PRAMEF20: variants seen among roughly 807,000 people sequenced by gnomAD.
The protein encoded by PRAMEF20 is PRAME family member 20.
A neutral mutation model predicts 32.4 loss-of-function variants in PRAMEF20; 27 were observed. The observed-to-expected ratio is 0.83, with a 90% confidence interval of 0.61 to 1.15. The LOEUF (loss-of-function observed/expected upper bound fraction) is 1.15. Among genes scored for constraint, PRAMEF20 ranks in the 50% most tolerant of loss-of-function variants. The probability of loss-of-function intolerance (pLI) is 0.00; values close to 1 mark genes in which losing one functional copy is unlikely to be tolerated. For missense variants in PRAMEF20, 604 were observed against 584.5 expected, an observed-to-expected ratio of 1.03 and a Z score of -0.34; for synonymous variants, 256 against 235.4, an observed-to-expected ratio of 1.09 and a Z score of -0.80.
chr1:13,418,444 C>T, exon 2 of PRAMEF20: 1 of 1,613,894 alleles, frequency 6.2e-7, no homozygotes, highest in Non-Finnish European at 8.5e-7. Context: ...AACAGTCAAC[C>T]TAGACTGTAT....
exon 2 of PRAMEF20, chr1:13,418,209 A>G (rs1168340702): frequency 6.2e-7 from 1 of 1,611,104 alleles, no homozygotes; most frequent in Non-Finnish European, 8.5e-7. Flanking sequence ...GTAGGTGCTT[A>G]CCAAATGCCA....
chr1:13,416,631 G>T, exon 1 of PRAMEF20: 2 of 1,614,116 alleles, frequency 1.2e-6, no homozygotes, highest in Non-Finnish European at 1.7e-6. Context: ...TACCCACAGG[G>T]TTCGTCTCAG....
At chr1:13,420,982 C>A in exon 3 of PRAMEF20, 1 of 1,613,768 alleles carries the variant, frequency 6.2e-7, no homozygotes, top group Non-Finnish European at 8.5e-7. Flanking sequence ...CCTTCAGCTT[C>A]CGTGGAAATC....
exon 3 of PRAMEF20, chr1:13,421,029 A>C: frequency 6.2e-7 from 1 of 1,613,944 alleles, no homozygotes; most frequent in Non-Finnish European, 8.5e-7. Context: ...CTGCTGTGCC[A>C]CACAATCAGA....
At chr1:13,414,812 G>T (rs1049583555), upstream of PRAMEF20, among the ~76,000 whole-genome samples, 60 of 151,834 alleles carry the variant, frequency 4.0e-4, no homozygotes, top group Non-Finnish European at 5.7e-4. Flanking sequence ...TATATATAGA[G>T]AGAGAGAGAC....
At chr1:13,418,424 A>G (rs1386476919) in exon 2 of PRAMEF20, 12 of 1,613,824 alleles carry the variant, frequency 7.4e-6, no homozygotes, top group East Asian at 2.2e-5. Flanking sequence ...AATATCAGAA[A>G]CATCCTGAAA....
upstream of PRAMEF20, among the ~76,000 whole-genome samples, chr1:13,414,606 A>G (rs1641145875): frequency 6.6e-6 from 1 of 151,586 alleles, no homozygotes; most frequent in Admixed American, 6.6e-5. Flanking sequence ...TGACAGGTGC[A>G]TGCCACCACG....
In PRAMEF20 at chr1:13,418,350, G is replaced by T; in HGVS notation, c.516G>T (p.Lys172Asn). The T allele has an allele frequency of 1.9e-6, 3 of 1,613,936 alleles. No homozygotes were observed. In the South Asian group the frequency reaches 3.3e-5, roughly 18 times the overall value. Residue 172 changes from lysine to asparagine, a missense_variant, in exon 2 of 3, where the codon AAG (lysine) becomes AAT (asparagine). Transcript: ENST00000602960. ...TCACCTGCCTCTTTCTATGGGTCAA[G>T]CAGAGGGAAGGTTTAGTACACCTGT...
chr1:13,416,659 G>A lies in PRAMEF20; in HGVS notation c.287+18G>A, dbSNP rs201847685. 5.2e-4 allele frequency: 845 copies of A among 1,613,782 alleles called. 6 individuals are homozygous for A. The highest frequency in any genetic ancestry group is 1.8e-3 in the Middle Eastern group (11 of 5,994). ...CGTCTCAGGTGAGGTGGCCCAAGTG[G>A]GCTGGTGGGGAGGGCCCAGGTGTCC... is the stretch of plus-strand genomic sequence containing the variant. On this transcript the variant is annotated intron_variant, in intron 1 of 2. Transcript: ENST00000602960.
At chr1:13,415,905 A>G (rs1168956526), upstream of PRAMEF20, among the ~76,000 whole-genome samples, 1 of 152,170 alleles carries the variant, frequency 6.6e-6, no homozygotes, top group Non-Finnish European at 1.5e-5. Context: ...AAACAAAACA[A>G]ATAGAACCCA....
chr1:13,416,063 C>G (rs1316097308), upstream of PRAMEF20, among the ~76,000 whole-genome samples: 1 of 152,166 alleles, frequency 6.6e-6, no homozygotes, highest in East Asian at 1.9e-4. Flanking sequence ...GATTAGCTTT[C>G]AGGTTCCTCC....
At chr1:13,415,090 T>C (rs1401668775), upstream of PRAMEF20, among the ~76,000 whole-genome samples, 3 of 151,344 alleles carry the variant, frequency 2.0e-5, no homozygotes, top group Non-Finnish European at 4.4e-5. Context: ...TGGTTCTTTG[T>C]TTTTTGAGCT....
intron 2 of PRAMEF20, among the ~76,000 whole-genome samples, chr1:13,419,260 TCTC>T (rs1367685987): frequency 3.3e-5 from 5 of 152,058 alleles, no homozygotes; most frequent in African/African-American, 1.2e-4. Flanking sequence ...TTCAAGCAAT[TCTC>T]CTGCCTCTGC....
upstream of PRAMEF20, among the ~76,000 whole-genome samples, chr1:13,413,215 G>T (rs924651529): frequency 3.8e-4 from 58 of 152,300 alleles, no homozygotes; most frequent in African/African-American, 1.3e-3. Flanking sequence ...CAGTGAATGA[G>T]TCATGGACTT....
intron 1 of PRAMEF20, among the ~76,000 whole-genome samples, 171 bp from the exon 3 acceptor site, chr1:13,417,951 T>TGTGTGTGTGTGTGTGTGC (rs1557476949): frequency 7.5e-5 from 11 of 147,530 alleles, no homozygotes; most frequent in African/African-American, 2.8e-4. Flanking sequence ...TGTGTGTGTG[T>TGTGTGTGTGTGTGTGTGC]GTTTAGTAGA....
intron 1 of PRAMEF20, among the ~76,000 whole-genome samples, chr1:13,417,733 C>A (rs1366925751): frequency 9.5e-6 from 1 of 105,100 alleles, no homozygotes; most frequent in Non-Finnish European, 1.8e-5. Context: ...AGAAGTGAGT[C>A]CTTTTTTTTT....
chr1:13,417,182 C>T (rs559931663), intron 1 of PRAMEF20, among the ~76,000 whole-genome samples: 91 of 152,138 alleles, frequency 6.0e-4, no homozygotes, highest in African/African-American at 1.8e-3. Flanking sequence ...AGTAGGTTGC[C>T]GCTGCTGACT....
chr1:13,416,720 G>T, intron 1 of PRAMEF20, 79 bp downstream of exon 2: 1 of 1,609,510 alleles, frequency 6.2e-7, no homozygotes, highest in Non-Finnish European at 8.5e-7. Flanking sequence ...GGAGTGAGGA[G>T]GTCCAAGGAG....
upstream of PRAMEF20, among the ~76,000 whole-genome samples, chr1:13,412,572 C>T (rs1326852273): frequency 2.0e-5 from 3 of 152,142 alleles, no homozygotes; most frequent in Admixed American, 6.6e-5. Flanking sequence ...ATTCACATGT[C>T]GTGGTTTCTT....
Sources: gnomAD v4.1 joint callset for allele counts (sites outside exome capture counted in the v4.1 genomes callset) on GRCh38, gnomAD v4.1.1 for gene constraint, MANE v1.5 for transcripts, NCBI Gene and HGNC (gene_info 2026-07-23, HGNC 2026-07-21) for gene names.